The following MAOB variants were observed in gnomAD, a reference collection of about 807,000 sequenced individuals.
MAOB encodes amine oxidase [flavin-containing] B.
Under a neutral mutation model 41.9 loss-of-function variants are expected in MAOB, and 15 were observed. The observed-to-expected ratio is 0.36, with a 90% CI of 0.24 to 0.55. The LOEUF (loss-of-function observed/expected upper bound fraction) is 0.55. Among genes scored for constraint, MAOB ranks in the 20% least tolerant of loss-of-function variants. The pLI, the probability that MAOB is intolerant of heterozygous loss-of-function variation, is 0.86. For synonymous variants in MAOB, 167 were observed against 144.2 expected (o/e 1.16, Z -1.13); for missense variants, 345 against 398.7 (o/e 0.87, Z 1.15).
chrX:43,790,942 T>C (rs1171917531), intron 8 of MAOB, among the ~76,000 whole-genome samples: 1 of 111,696 alleles, frequency 9.0e-6, no homozygotes, highest in Non-Finnish European at 1.9e-5. Flanking sequence ...AAGGCACCCA[T>C]GCTCATTCAG....
At chrX:43,809,813 T>C in intron 3 of MAOB, among the ~76,000 whole-genome samples, 1 of 112,105 alleles carries the variant, frequency 8.9e-6, no homozygotes, top group Non-Finnish European at 1.9e-5. Context: ...TAATTACATA[T>C]AGCATTTTTC....
At chrX:43,800,943 C>T (rs2034585321) in intron 5 of MAOB, among the ~76,000 whole-genome samples, 1 of 110,449 alleles carries the variant, frequency 9.1e-6, no homozygotes, top group South Asian at 3.9e-4. Flanking sequence ...TTAAATATTC[C>T]TCTACAACAC....
intron 8 of MAOB, among the ~76,000 whole-genome samples, chrX:43,792,001 C>T (rs925738464): frequency 5.4e-5 from 6 of 111,890 alleles, no homozygotes; most frequent in African/African-American, 2.0e-4. Flanking sequence ...ATGGTAGAAT[C>T]GACACTAGTG....
chrX:43,839,452 G>A (rs2035108015), intron 2 of MAOB, among the ~76,000 whole-genome samples: 2 of 112,057 alleles, frequency 1.8e-5, no homozygotes, highest in South Asian at 3.7e-4. Context: ...GTCATAATTT[G>A]GACTTTGAAA....
intron 12 of MAOB, among the ~76,000 whole-genome samples, chrX:43,770,119 C>T (rs146364489): frequency 0.015 from 1,644 of 111,214 alleles, 16 homozygotes; most frequent in Non-Finnish European, 0.024. Flanking sequence ...CTGATGTCAG[C>T]CCTCTTTGGA....
chrX:43,775,783 A>G, intron 11 of MAOB, among the ~76,000 whole-genome samples: 1 of 112,026 alleles, frequency 8.9e-6, no homozygotes, highest in East Asian at 2.8e-4. Flanking sequence ...TTTGTAAACA[A>G]CTATTGGTCT....
At chrX:43,779,286 G>A (rs2034299962) in intron 10 of MAOB, among the ~76,000 whole-genome samples, 1 of 111,977 alleles carries the variant, frequency 8.9e-6, no homozygotes, top group African/African-American at 3.2e-5. Flanking sequence ...CAATAAAATG[G>A]CACTGGGACA....
chrX:43,830,434 AG>A (rs1354619336), intron 3 of MAOB, among the ~76,000 whole-genome samples: 1 of 111,732 alleles, frequency 8.9e-6, no homozygotes, highest in Non-Finnish European at 1.9e-5. Flanking sequence ...CTGGAACTGA[AG>A]GAAACTTAGA....
At chrX:43,842,610 G>C (rs903386433) in intron 2 of MAOB, among the ~76,000 whole-genome samples, 1 of 112,231 alleles carries the variant, frequency 8.9e-6, no homozygotes, top group African/African-American at 3.2e-5. Flanking sequence ...ATGTCAAAGA[G>C]ATATCTGCAC....
At chrX:43,772,465 CTG>C (rs2147118972) in intron 12 of MAOB, among the ~76,000 whole-genome samples, 1 of 111,923 alleles carries the variant, frequency 8.9e-6, no homozygotes, top group South Asian at 3.8e-4. Context: ...ACCCACCACT[CTG>C]TGGTCAGAAA....
chrX:43,787,663 T>A (rs1229764325), intron 8 of MAOB, among the ~76,000 whole-genome samples: 1 of 112,354 alleles, frequency 8.9e-6, no homozygotes, highest in African/African-American at 3.2e-5. Context: ...ATAGTTTATG[T>A]GTACATTTTT....
chrX:43,843,807 T>G (rs752546075), intron 1 of MAOB, 43 bp from the exon 2 acceptor site: 1 of 1,200,733 alleles, frequency 8.3e-7, no homozygotes. Flanking sequence ...AATACAAGGA[T>G]GCCAGACAAG....
rs1248795309 is a variant in MAOB at position 43,775,625 on chromosome X, A to G, written c.1138-353T>C. On this transcript the variant is annotated intron_variant, in intron 11 of 14. Coordinates refer to ENST00000378069, the MANE Select transcript of MAOB (RefSeq NM_000898.5). ...TTTTAAAAGGATTTATGTTTACTGGAGTGACTGGATAGGAAAAAAAGACAG... is the reference window on the plus strand; with the variant it reads ...TTTTAAAAGGATTTATGTTTACTGGGGTGACTGGATAGGAAAAAAAGACAG... Among the ~76,000 whole-genome samples, 4 of 111,861 alleles carry G rather than the reference A, an allele frequency of 3.6e-5. No individual in the cohort carries two copies. The East Asian group carries it at 1.1e-3, about 31-fold the overall frequency.
intron 2 of MAOB, among the ~76,000 whole-genome samples, chrX:43,839,762 A>C (rs1321702968): frequency 8.9e-6 from 1 of 112,086 alleles, no homozygotes; most frequent in African/African-American, 3.2e-5. Context: ...TTGTCCAATA[A>C]ATTTTCTCAA....
intron 1 of MAOB, among the ~76,000 whole-genome samples, chrX:43,870,910 A>G (rs753439716): frequency 2.6e-4 from 29 of 110,781 alleles, no homozygotes; most frequent in African/African-American, 8.2e-4. Context: ...TGATTAGAAC[A>G]TCTTGTGACA....
chrX:43,803,664 C>A (rs1051743201), intron 3 of MAOB, among the ~76,000 whole-genome samples: 2 of 111,887 alleles, frequency 1.8e-5, no homozygotes, highest in African/African-American at 6.5e-5. Flanking sequence ...GGAGCCTTTA[C>A]CATACAAAAT....
intron 14 of MAOB, among the ~76,000 whole-genome samples, chrX:43,767,836 C>G (rs752804214): frequency 1.8e-5 from 2 of 111,580 alleles, no homozygotes; most frequent in Non-Finnish European, 3.8e-5. Flanking sequence ...CCTAGGATGA[C>G]ATTCTCCTTT....
At chrX:43,870,546 G>A (rs961117849) in intron 1 of MAOB, among the ~76,000 whole-genome samples, 5 of 110,663 alleles carry the variant, frequency 4.5e-5, no homozygotes, top group African/African-American at 1.6e-4. Flanking sequence ...CTGTAATCCC[G>A]GCTCTTTGGG....
At chrX:43,778,809 C>T (rs1601966608) in intron 10 of MAOB, 70 bp from the exon 11 acceptor site, 5 of 777,042 alleles carry the variant, frequency 6.4e-6, no homozygotes, top group East Asian at 3.3e-5. Context: ...GGGAAAGAGG[C>T]ATTTATCCCC....
Sources: allele counts gnomAD v4.1 joint callset (sites outside exome capture counted in the v4.1 genomes callset), GRCh38; gene constraint gnomAD v4.1.1; transcripts MANE v1.5; gene names NCBI Gene and HGNC (gene_info 2026-07-23, HGNC 2026-07-21).